RIN3: variants seen among roughly 807,000 people sequenced by gnomAD.
RIN3 encodes the protein RAB5 interacting protein 3.
A neutral mutation model predicts 76.3 loss-of-function variants in RIN3; 54 were observed. That is an observed-to-expected ratio of 0.71 (90% confidence interval 0.57 to 0.89). The LOEUF is 0.89. Among genes scored for constraint, RIN3 ranks in the 40% least tolerant of loss-of-function variants. The pLI, the probability that RIN3 is intolerant of heterozygous loss-of-function variation, is 0.00. For synonymous variants in RIN3, 576 were observed against 564.0 expected (o/e 1.02, Z -0.30); for missense variants, 1,256 against 1,322.1 (o/e 0.95, Z 0.78).
chr14:92,537,038 TGAA>T (rs372293194), intron 1 of RIN3, among the ~76,000 whole-genome samples: 4 of 152,180 alleles, frequency 2.6e-5, no homozygotes, highest in Admixed American at 1.3e-4. Flanking sequence ...AGATGTACAG[TGAA>T]GAAGTTTTCC....
At chr14:92,657,714 G>A (rs7141461) in intron 6 of RIN3, among the ~76,000 whole-genome samples, 149,960 of 152,264 alleles carry the variant, frequency 0.98, 73,901 homozygotes, top group Middle Eastern at 1. Flanking sequence ...GGAGGCTCCA[G>A]TGAGGTCGGG....
intron 4 of RIN3, among the ~76,000 whole-genome samples, chr14:92,632,298 G>A (rs1355316053): frequency 2.0e-5 from 3 of 152,096 alleles, no homozygotes; most frequent in Admixed American, 1.3e-4. Flanking sequence ...CAGTGATTTC[G>A]TGACTGGCTC....
At chr14:92,631,327 G>T (rs1009848563) in intron 4 of RIN3, among the ~76,000 whole-genome samples, 1 of 152,164 alleles carries the variant, frequency 6.6e-6, no homozygotes, top group Admixed American at 6.5e-5. Context: ...AGAGCAGGAC[G>T]CCCCCATCCC....
chr14:92,680,843 C>CT (rs746697344), intron 8 of RIN3, among the ~76,000 whole-genome samples: 15 of 152,354 alleles, frequency 9.8e-5, no homozygotes, highest in Middle Eastern at 3.4e-3. Context: ...TGGGGTCTTA[C>CT]TTTCCTTGCA....
chr14:92,628,839 A>G (rs1886451724), intron 4 of RIN3, among the ~76,000 whole-genome samples: 1 of 152,130 alleles, frequency 6.6e-6, no homozygotes, highest in East Asian at 1.9e-4. Context: ...CAGGGCAATT[A>G]TTCCCATTCA....
intron 8 of RIN3, among the ~76,000 whole-genome samples, chr14:92,683,850 G>GA (rs1275838139): frequency 6.6e-6 from 1 of 152,104 alleles, no homozygotes; most frequent in African/African-American, 2.4e-5. Context: ...ATTATTTTTA[G>GA]AATAGATAAT....
At chr14:92,577,978 G>A (rs969178711) in intron 3 of RIN3, among the ~76,000 whole-genome samples, 3 of 152,310 alleles carry the variant, frequency 2.0e-5, no homozygotes, top group South Asian at 2.1e-4. Context: ...GATGGCTCAC[G>A]CCTATAATTC....
At chr14:92,521,573 T>C (rs1041557838) in intron 1 of RIN3, among the ~76,000 whole-genome samples, 4 of 152,138 alleles carry the variant, frequency 2.6e-5, no homozygotes, top group Non-Finnish European at 5.9e-5. Context: ...TCTCTCCCTC[T>C]TGCTGCCTTT....
At chr14:92,578,884 C>G (rs1025636154) in intron 3 of RIN3, among the ~76,000 whole-genome samples, 1 of 151,866 alleles carries the variant, frequency 6.6e-6, no homozygotes, top group Non-Finnish European at 1.5e-5. Context: ...ATCTTGTGGC[C>G]TCTGGCTACG....
chr14:92,653,082 G>A lies in RIN3; in HGVS notation c.2026+7G>A. 1.3e-6 allele frequency: 2 copies of A among 1,593,768 alleles called. No individual in the cohort carries two copies. Among genetic ancestry groups the A allele is most frequent in the South Asian group, 2.2e-5 (2 of 90,406 alleles). Reference sequence around the variant, plus strand: ...CACTCCGAGGAGGAGCTCGGTCAGTGCCCTGGGAGGAGGTGGCAGGGAGGA... The same window carrying A: ...CACTCCGAGGAGGAGCTCGGTCAGTACCCTGGGAGGAGGTGGCAGGGAGGA... On this transcript the variant is annotated splice_region_variant and intron_variant, in intron 6 of 9. Coordinates refer to ENST00000216487, the MANE Select transcript of RIN3 (RefSeq NM_024832.5).
chr14:92,666,431 G>A (rs1183247505), intron 7 of RIN3, among the ~76,000 whole-genome samples: 2 of 152,218 alleles, frequency 1.3e-5, no homozygotes, highest in African/African-American at 4.8e-5. Context: ...CCAGTGGCCG[G>A]CCTGGGAATG....
intron 1 of RIN3, among the ~76,000 whole-genome samples, chr14:92,550,698 C>G (rs552468024): frequency 6.6e-6 from 1 of 152,220 alleles, no homozygotes; most frequent in Non-Finnish European, 1.5e-5. Context: ...GTTTGGATTA[C>G]AGGCGTGAGC....
At chr14:92,562,021 C>A (rs1170704625) in intron 2 of RIN3, among the ~76,000 whole-genome samples, 1 of 152,174 alleles carries the variant, frequency 6.6e-6, no homozygotes, top group Non-Finnish European at 1.5e-5. Context: ...GCTCCGGGAT[C>A]CCATCCCATG....
intron 5 of RIN3, among the ~76,000 whole-genome samples, chr14:92,650,299 G>A (rs766613196): frequency 2.6e-5 from 4 of 152,182 alleles, no homozygotes; most frequent in Admixed American, 6.5e-5. Context: ...TCCCCAATCC[G>A]GTGACACAGG....
At chr14:92,570,951 T>C (rs1898048335) in intron 2 of RIN3, among the ~76,000 whole-genome samples, 1 of 152,390 alleles carries the variant, frequency 6.6e-6, no homozygotes, top group Non-Finnish European at 1.5e-5. Context: ...TAACGCTGCC[T>C]CTTTACATAT....
intron 3 of RIN3, among the ~76,000 whole-genome samples, chr14:92,582,939 A>G (rs1026462394): frequency 1.2e-4 from 19 of 152,148 alleles, no homozygotes; most frequent in Non-Finnish European, 2.9e-5. Flanking sequence ...CAGTTGAGAC[A>G]GACCATGGAA....
At chr14:92,535,182 C>T (rs920084620) in intron 1 of RIN3, among the ~76,000 whole-genome samples, 1 of 152,192 alleles carries the variant, frequency 6.6e-6, no homozygotes, top group African/African-American at 2.4e-5. Flanking sequence ...AGCGCCAGGT[C>T]AAGCTTCTTG....
intron 2 of RIN3, among the ~76,000 whole-genome samples, chr14:92,559,163 G>A (rs1055945739): frequency 6.6e-5 from 10 of 152,046 alleles, no homozygotes; most frequent in East Asian, 3.9e-4. Flanking sequence ...CACCGTGCCC[G>A]GCCCCCTTCT....
chr14:92,589,179 C>T (rs984817412), intron 3 of RIN3, among the ~76,000 whole-genome samples: 1 of 152,058 alleles, frequency 6.6e-6, no homozygotes, highest in Non-Finnish European at 1.5e-5. Context: ...AGTAGCAGTC[C>T]CTACAGCCTC....
Sources: allele counts gnomAD v4.1 joint callset (sites outside exome capture counted in the v4.1 genomes callset), GRCh38; gene constraint gnomAD v4.1.1; transcripts MANE v1.5; gene names NCBI Gene and HGNC (gene_info 2026-07-23, HGNC 2026-07-21).